RELN: variants seen among roughly 807,000 people sequenced by gnomAD.
RELN encodes the protein reelin.
RELN carries 108 observed loss-of-function variants against 427.6 expected under a neutral mutation model. The observed-to-expected ratio is 0.25, with a 90% CI of 0.22 to 0.30. RELN has a LOEUF of 0.30. Ranked by LOEUF, RELN falls within the 10% of genes least tolerant of loss-of-function variation. RELN has a pLI of 1.00. For missense variants in RELN, 3,715 were observed against 4,302.8 expected, an observed-to-expected ratio of 0.86 and a Z score of 3.82; for synonymous variants, 1,524 against 1,513.4, an observed-to-expected ratio of 1.01 and a Z score of -0.16.
At chr7:103,541,024 A>G (rs975768607) in intron 43 of RELN, among the ~76,000 whole-genome samples, 2 of 152,208 alleles carry the variant, frequency 1.3e-5, no homozygotes, top group Admixed American at 6.5e-5. Flanking sequence ...TGGAAGAGGT[A>G]TGTCAAGCCT....
chr7:103,534,391 C>A (rs1830005148), intron 46 of RELN, among the ~76,000 whole-genome samples: 1 of 152,216 alleles, frequency 6.6e-6, no homozygotes, highest in Admixed American at 6.5e-5. Flanking sequence ...CTAGGCAAAG[C>A]TAATTCTCTG....
At chr7:103,772,558 T>G (rs2116185928) in intron 4 of RELN, among the ~76,000 whole-genome samples, 1 of 152,290 alleles carries the variant, frequency 6.6e-6, no homozygotes, top group Non-Finnish European at 1.5e-5. Flanking sequence ...GTATGAGGGT[T>G]GTCTAGACCA....
chr7:103,965,213 C>G (rs1796637732), intron 1 of RELN, among the ~76,000 whole-genome samples: 1 of 152,044 alleles, frequency 6.6e-6, no homozygotes, highest in African/African-American at 2.4e-5. Context: ...ATTTTTAAAT[C>G]AAAATGAGAG....
intron 31 of RELN, among the ~76,000 whole-genome samples, chr7:103,570,927 G>A (rs1562897818): frequency 6.6e-6 from 1 of 152,128 alleles, no homozygotes; most frequent in African/African-American, 2.4e-5. Flanking sequence ...ATCAATAAAA[G>A]CACCTAGAAC....
chr7:103,594,399 C>G lies in RELN; in HGVS notation c.3633G>C (p.Gln1211His). 1 of 1,614,082 alleles carries G rather than the reference C, an allele frequency of 6.2e-7. No individual in the cohort carries two copies. The highest frequency in any genetic ancestry group is 8.5e-7 in the Non-Finnish European group (1 of 1,179,944). Reference sequence around the variant, plus strand: ...GAATGATGATGTCATCGACTGCCCACTGGTCATAGTCCTCCCCTGAGAACA... The same window carrying G: ...GAATGATGATGTCATCGACTGCCCAGTGGTCATAGTCCTCCCCTGAGAACA... ...QPVFSGEDYDQWAVDDIIILS... is the reference protein window; with the variant it reads ...QPVFSGEDYDHWAVDDIIILS... The change falls in exon 26 of 65, where the codon CAG becomes CAC. Residue 1211 changes from glutamine (Q) to histidine (H), a missense_variant. This residue lies in a region of RELN where 2,208 missense variants were observed against 2,361.7 expected (regional missense o/e 0.93). Transcript: ENST00000428762.
intron 2 of RELN, among the ~76,000 whole-genome samples, chr7:103,914,655 T>A (rs1277052346): frequency 1.3e-5 from 2 of 152,066 alleles, no homozygotes; most frequent in Non-Finnish European, 2.9e-5. Context: ...AACCTTATCA[T>A]CATCATGTCA....
chr7:103,528,369 T>G (rs746630685), intron 46 of RELN, among the ~76,000 whole-genome samples: 2 of 152,166 alleles, frequency 1.3e-5, no homozygotes, highest in Non-Finnish European at 2.9e-5. Context: ...GCTTAGTGGT[T>G]ACCTAGGGCT....
chr7:103,751,948 G>T (rs1470956723), intron 5 of RELN, among the ~76,000 whole-genome samples: 4 of 152,198 alleles, frequency 2.6e-5, no homozygotes, highest in African/African-American at 9.7e-5. Context: ...ATACTATAGT[G>T]TAGGAAATTG....
intron 17 of RELN, 41 bp from the exon 18 acceptor site, chr7:103,636,509 T>A: frequency 7.5e-7 from 1 of 1,326,820 alleles, no homozygotes; most frequent in Non-Finnish European, 1.1e-6. Context: ...AACTGTTGGC[T>A]GTTTCGGAGA....
chr7:103,740,718 G>C (rs777568798), intron 6 of RELN, among the ~76,000 whole-genome samples: 5 of 152,144 alleles, frequency 3.3e-5, no homozygotes, highest in Non-Finnish European at 5.9e-5. Flanking sequence ...GAAGTTAATG[G>C]AAGTAAATAC....
At position 103,989,049 on chromosome 7, in the gene RELN, C is replaced by T; in HGVS notation, c.226+82G>A. 1 of 1,297,546 alleles carries T rather than the reference C, an allele frequency of 7.7e-7. No homozygotes were observed. Among genetic ancestry groups the T allele is most frequent in the South Asian group, 1.2e-5 (1 of 84,132 alleles). 80.4% of individuals were successfully genotyped at this position (1,297,546 alleles called of 1,614,324 possible). Reference sequence around the variant, plus strand: ...GTCATGGTTCTTGTTTCCAAGGCCCCTTGGAAGAAGGAAAGGGATGAGAAA... The same window carrying T: ...GTCATGGTTCTTGTTTCCAAGGCCCTTTGGAAGAAGGAAAGGGATGAGAAA... On this transcript the variant is annotated intron_variant, in intron 1 of 64. Transcript: ENST00000428762. This position sits in a 1 kb window ranked among gnomAD's most constrained non-coding sequence, Gnocchi z 4.9.
intron 41 of RELN, among the ~76,000 whole-genome samples, chr7:103,547,129 C>T (rs1254863395): frequency 6.6e-6 from 1 of 152,066 alleles, no homozygotes; most frequent in Non-Finnish European, 1.5e-5. Context: ...TGTGAATCTT[C>T]CCAATTTTCA....
intron 2 of RELN, among the ~76,000 whole-genome samples, chr7:103,861,244 A>G (rs1794065188): frequency 6.6e-6 from 1 of 152,112 alleles, no homozygotes; most frequent in Admixed American, 6.6e-5. Context: ...TACAAATATT[A>G]TTCAAGTTTT....
At chr7:103,698,347 T>C (rs756929847) in intron 9 of RELN, among the ~76,000 whole-genome samples, 2 of 152,126 alleles carry the variant, frequency 1.3e-5, no homozygotes, top group African/African-American at 2.4e-5. Flanking sequence ...GCACTAAGTA[T>C]GTTCAAATAA....
At chr7:103,875,945 A>G (rs1794467763) in intron 2 of RELN, among the ~76,000 whole-genome samples, 1 of 152,118 alleles carries the variant, frequency 6.6e-6, no homozygotes, top group Admixed American at 6.6e-5. Flanking sequence ...GACAACCCCC[A>G]AGAGTCAATG....
chr7:103,564,355 A>G (rs1382253219), intron 34 of RELN, among the ~76,000 whole-genome samples: 1 of 152,216 alleles, frequency 6.6e-6, no homozygotes, highest in Admixed American at 6.5e-5. Context: ...ATGTATAGCA[A>G]GTGGCAGAGC....
At chr7:103,973,762 G>A (rs1796811634) in intron 1 of RELN, among the ~76,000 whole-genome samples, 1 of 152,128 alleles carries the variant, frequency 6.6e-6, no homozygotes, top group Non-Finnish European at 1.5e-5. Flanking sequence ...AGATTAAAAA[G>A]ATCATAATTC....
At chr7:103,487,821 A>G (rs1012742416) in intron 60 of RELN, among the ~76,000 whole-genome samples, 6 of 152,190 alleles carry the variant, frequency 3.9e-5, no homozygotes, top group African/African-American at 1.2e-4. Flanking sequence ...GGATTCCAGC[A>G]CCTAAAACAA....
At chr7:103,970,818 T>C (rs775528656) in intron 1 of RELN, among the ~76,000 whole-genome samples, 53 of 152,360 alleles carry the variant, frequency 3.5e-4, no homozygotes, top group African/African-American at 9.4e-4. Flanking sequence ...ACAGTCTTCA[T>C]TGAGTATTAC....
Sources: gnomAD v4.1 joint callset for allele counts (sites outside exome capture counted in the v4.1 genomes callset) on GRCh38, gnomAD v4.1.1 for gene constraint, gnomAD v4.1.1 regional missense constraint, Gnocchi (gnomAD v3.1) non-coding constraint, MANE v1.5 for transcripts, NCBI Gene and HGNC (gene_info 2026-07-23, HGNC 2026-07-21) for gene names.